GPM6A: variants seen among roughly 807,000 people sequenced by gnomAD.
GPM6A encodes the protein glycoprotein M6A.
A neutral mutation model predicts 32.1 loss-of-function variants in GPM6A; 7 were observed. The observed-to-expected ratio is 0.22, with a 90% CI of 0.12 to 0.41. The LOEUF is 0.41. Among genes scored for constraint, GPM6A ranks in the 10% least tolerant of loss-of-function variants. The pLI is 1.00. For missense variants in GPM6A, 235 were observed against 347.2 expected (o/e 0.68, Z 2.57); for synonymous variants, 130 against 123.4 (o/e 1.05, Z -0.35).
Position 175,669,804 on chromosome 4 carries a change from G to A in GPM6A, c.387+3876C>T, listed in dbSNP as rs552530001. ...AAGTAAAAAATTAGGTCACTAGGGT[G>A]GGCTCTATTCCCATATGACTGCTGT... On this transcript the variant is annotated intron_variant, in intron 3 of 6. Transcript: ENST00000393658. 5.9e-5 allele frequency among the ~76,000 whole-genome samples: 9 copies of A among 152,076 alleles called. No homozygotes were observed. The South Asian group carries it at 1.0e-3, about 18-fold the overall frequency.
chr4:175,860,927 C>T (rs1736555065), intron 1 of GPM6A, among the ~76,000 whole-genome samples: 1 of 152,104 alleles, frequency 6.6e-6, no homozygotes, highest in African/African-American at 2.4e-5. Flanking sequence ...GGAAAAATAT[C>T]TCATTTCCTA....
intron 1 of GPM6A, among the ~76,000 whole-genome samples, chr4:175,804,037 G>A (rs1734581552): frequency 6.6e-6 from 1 of 151,898 alleles, no homozygotes; most frequent in Non-Finnish European, 1.5e-5. Flanking sequence ...AATGAATCTG[G>A]CTTTGGTAAT....
intron 1 of GPM6A, among the ~76,000 whole-genome samples, chr4:175,953,731 C>G (rs770054721): frequency 6.6e-5 from 10 of 151,968 alleles, no homozygotes; most frequent in African/African-American, 1.2e-4. Flanking sequence ...GAAACCCCGT[C>G]TCTACTAAAA....
At chr4:175,788,608 A>G (rs1733892102) in intron 1 of GPM6A, among the ~76,000 whole-genome samples, 1 of 152,156 alleles carries the variant, frequency 6.6e-6, no homozygotes, top group African/African-American at 2.4e-5. Context: ...GTTATAAACT[A>G]AACTGAAACT....
chr4:175,817,889 TGAA>T (rs1326101070), intron 1 of GPM6A, among the ~76,000 whole-genome samples: 6 of 152,204 alleles, frequency 3.9e-5, no homozygotes, highest in African/African-American at 1.2e-4. Flanking sequence ...TTTAGAGTAC[TGAA>T]GAAGAAGACG....
At chr4:175,825,014 A>G (rs1210741466) in intron 1 of GPM6A, among the ~76,000 whole-genome samples, 3 of 152,196 alleles carry the variant, frequency 2.0e-5, no homozygotes, top group African/African-American at 7.2e-5. Context: ...TCTTTATTTA[A>G]GTCTTAACGC....
intron 1 of GPM6A, among the ~76,000 whole-genome samples, chr4:175,979,498 G>A (rs985601299): frequency 6.6e-6 from 1 of 152,116 alleles, no homozygotes; most frequent in Non-Finnish European, 1.5e-5. Context: ...GTGGTGTTTG[G>A]TTTTTTGTCC....
intron 1 of GPM6A, among the ~76,000 whole-genome samples, chr4:175,735,222 T>C (rs1289292258): frequency 1.3e-5 from 2 of 152,146 alleles, no homozygotes; most frequent in Non-Finnish European, 2.9e-5. Context: ...AGAATTAGTG[T>C]GGAAATTTTA....
intron 1 of GPM6A, among the ~76,000 whole-genome samples, chr4:175,960,282 G>T (rs1268450291): frequency 1.3e-5 from 2 of 152,102 alleles, no homozygotes; most frequent in African/African-American, 4.8e-5. Flanking sequence ...AGGATTCTAG[G>T]CATAGAATTT....
At chr4:175,889,575 G>A (rs1224416866) in intron 1 of GPM6A, among the ~76,000 whole-genome samples, 1 of 151,176 alleles carries the variant, frequency 6.6e-6, no homozygotes, top group Non-Finnish European at 1.5e-5. Context: ...CAGCACTTTG[G>A]GAGGCCGAGG....
rs148219333 is a variant in GPM6A, at chr4:175,957,404, G to C, written c.-23+44905C>G. 3.9e-5 allele frequency among the ~76,000 whole-genome samples: 6 copies of C among 152,268 alleles called. No individual in the cohort carries two copies. In the East Asian group the frequency reaches 1.2e-3, roughly 29 times the overall value. ...AGGTAAGTCCCTACCATGTATTTAT[G>C]TACCAGGCATGCAACAAGATGATTA... On this transcript the variant is annotated intron_variant, in intron 1 of 7. Transcript: ENST00000280187.
At chr4:175,764,895 C>T (rs1428522539) in intron 1 of GPM6A, among the ~76,000 whole-genome samples, 2 of 138,846 alleles carry the variant, frequency 1.4e-5, no homozygotes, top group South Asian at 4.6e-4. Context: ...TATTTTGATA[C>T]AGAGTTTCAC....
chr4:175,674,423 C>T (rs895934471), intron 2 of GPM6A, among the ~76,000 whole-genome samples: 1 of 152,156 alleles, frequency 6.6e-6, no homozygotes, highest in South Asian at 2.1e-4. Context: ...CAATCCACCA[C>T]CTTGGCTTCC....
chr4:175,739,897 T>C (rs1579446626), intron 1 of GPM6A, among the ~76,000 whole-genome samples: 2 of 152,188 alleles, frequency 1.3e-5, no homozygotes, highest in African/African-American at 4.8e-5. Context: ...ATAAGAGTTT[T>C]GTCAATGATC....
chr4:175,966,529 T>C (rs902405325), intron 1 of GPM6A, among the ~76,000 whole-genome samples: 1 of 151,690 alleles, frequency 6.6e-6, no homozygotes, highest in African/African-American at 2.4e-5. Context: ...AGTTAGATTA[T>C]GAAGGTGGAG....
chr4:175,799,305 T>G lies in GPM6A; in HGVS notation c.37+12886A>C, dbSNP rs1734366470. Reference sequence around the variant, plus strand: ...TTTTTGGCCAAAAAATACATGCAGTTCTTTAATTTTTGACTCTGGACCACT... The same window carrying G: ...TTTTTGGCCAAAAAATACATGCAGTGCTTTAATTTTTGACTCTGGACCACT... On this transcript the variant is annotated intron_variant, in intron 1 of 6. Transcript: ENST00000393658. Among the ~76,000 whole-genome samples, 2 of 152,096 alleles carry G rather than the reference T, an allele frequency of 1.3e-5. 1 individual carries two copies. Among genetic ancestry groups the G allele is most frequent in the South Asian group, 4.1e-4 (2 of 4,822 alleles).
chr4:175,812,579 G>A (rs1375959954), upstream of GPM6A: 31 of 1,029,478 alleles, frequency 3.0e-5, no homozygotes, highest in Non-Finnish European at 3.0e-5. Flanking sequence ...CAGGAGCAGA[G>A]ACACTATGAT....
At chr4:175,873,446 T>C (rs1375466993) in intron 1 of GPM6A, among the ~76,000 whole-genome samples, 3 of 152,154 alleles carry the variant, frequency 2.0e-5, no homozygotes, top group African/African-American at 7.2e-5. Flanking sequence ...AAATATGTAA[T>C]CATTTATTTG....
At chr4:175,807,011 T>G (rs1462339981) in intron 1 of GPM6A, 3 of 152,238 alleles carry the variant, frequency 2.0e-5, no homozygotes, top group Non-Finnish European at 4.4e-5. Flanking sequence ...AATTATTAAT[T>G]CTTACACTTA....
Sources: allele counts gnomAD v4.1 joint callset (sites outside exome capture counted in the v4.1 genomes callset), GRCh38; gene constraint gnomAD v4.1.1; transcripts MANE v1.5; gene names NCBI Gene and HGNC (gene_info 2026-07-23, HGNC 2026-07-21).